Variants in FMN1 observed in about 807,000 individuals in gnomAD.
FMN1 encodes the protein formin 1.
In FMN1, 110 loss-of-function variants were observed where a neutral mutation model predicts 132.4. That is an observed-to-expected ratio of 0.83 (90% confidence interval 0.71 to 0.97). FMN1 has a LOEUF of 0.97. Ranked by LOEUF, FMN1 falls within the 50% of genes least tolerant of loss-of-function variation. The pLI is 0.00. For missense variants in FMN1, 1,792 were observed against 1,705.3 expected (o/e 1.05, Z -0.90); for synonymous variants, 722 against 651.7 (o/e 1.11, Z -1.64).
At chr15:32,860,165 A>G (rs983071308) in intron 16 of FMN1, among the ~76,000 whole-genome samples, 3 of 142,860 alleles carry the variant, frequency 2.1e-5, no homozygotes, top group African/African-American at 5.3e-5. Context: ...GAAGGAAGGA[A>G]AAGGAAAAAA....
In FMN1 at chr15:32,804,513, CT is replaced by C. The variant is rs754779401; in HGVS notation, c.3929-182del. On this transcript the variant is annotated intron_variant, in intron 17 of 20. Coordinates refer to ENST00000616417, the MANE Select transcript of FMN1 (RefSeq NM_001277313.2). Reference sequence around the variant, plus strand: ...CAATTTGCTTTATTTGCTACCACTGCTTTTTTTTTTTTTAAATTATACTAAG... The same window carrying C: ...CAATTTGCTTTATTTGCTACCACTGCTTTTTTTTTTTTAAATTATACTAAG... Among the ~76,000 whole-genome samples the C allele has an allele frequency of 5.5e-3, 684 of 123,968 alleles. 20 individuals carry two copies. In the East Asian group the frequency reaches 0.1, roughly 19 times the overall value. The allele number at this position is 123,968 out of a possible 152,430, so 81.3% of individuals were successfully genotyped here.
At chr15:33,147,641 T>C (rs1964279487) in intron 4 of FMN1, among the ~76,000 whole-genome samples, 2 of 152,226 alleles carry the variant, frequency 1.3e-5, no homozygotes, top group Admixed American at 1.3e-4. Context: ...TGGCTTGAGA[T>C]TTTAAAACAT....
At chr15:33,016,981 T>A (rs1210264256) in intron 6 of FMN1, among the ~76,000 whole-genome samples, 1 of 152,188 alleles carries the variant, frequency 6.6e-6, no homozygotes, top group Non-Finnish European at 1.5e-5. Context: ...GGTCTCCTTA[T>A]GTGAATAATA....
At chr15:32,983,903 C>T (rs1003237087) in intron 7 of FMN1, among the ~76,000 whole-genome samples, 6 of 152,162 alleles carry the variant, frequency 3.9e-5, no homozygotes, top group Non-Finnish European at 7.4e-5. Flanking sequence ...GATGGTACTG[C>T]CACATTCAGT....
chr15:32,891,707 G>T (rs1216893250), intron 15 of FMN1, among the ~76,000 whole-genome samples: 1 of 152,100 alleles, frequency 6.6e-6, no homozygotes, highest in Non-Finnish European at 1.5e-5. Context: ...ATTTGTTTGT[G>T]TTGTCTACGG....
intron 9 of FMN1, among the ~76,000 whole-genome samples, chr15:32,948,564 C>T (rs560642952): frequency 4.9e-4 from 75 of 152,062 alleles, no homozygotes; most frequent in African/African-American, 1.8e-3. Context: ...TTAATATTTA[C>T]GGAACCATTC....
intron 19 of FMN1, among the ~76,000 whole-genome samples, chr15:32,783,245 T>C (rs2056729108): frequency 6.6e-6 from 1 of 152,158 alleles, no homozygotes; most frequent in Non-Finnish European, 1.5e-5. Context: ...AAAATATATA[T>C]TCTCAATTGA....
In FMN1 at chr15:33,023,467, TAAAC is replaced by T. The variant is rs2141026605; in HGVS notation, c.2162-15396_2162-15393del. 2.0e-5 allele frequency among the ~76,000 whole-genome samples: 3 copies of T among 152,260 alleles called. 1 individual carries two copies. The South Asian group carries it at 6.2e-4, about 32-fold the overall frequency. The stretch of plus-strand genomic sequence containing the variant: ...ATAAAGGCAAGAATAATAATCATCA[TAAAC>T]AATAATGATAGTAGCAACACACTAA... On this transcript the variant is annotated intron_variant, in intron 6 of 20. Transcript: ENST00000616417.
At chr15:33,052,740 G>C (rs1286270709) in intron 6 of FMN1, among the ~76,000 whole-genome samples, 2 of 152,148 alleles carry the variant, frequency 1.3e-5, no homozygotes, top group East Asian at 3.9e-4. Context: ...TAAATCCTTG[G>C]ACCAGACTGA....
chr15:32,955,077 TA>T (rs1305443120), intron 9 of FMN1, among the ~76,000 whole-genome samples: 1 of 152,214 alleles, frequency 6.6e-6, no homozygotes, highest in Non-Finnish European at 1.5e-5. Flanking sequence ...CCAACCCCTC[TA>T]AACTCCAGTT....
chr15:32,880,190 A>C (rs890591322), intron 16 of FMN1, among the ~76,000 whole-genome samples: 1 of 152,034 alleles, frequency 6.6e-6, no homozygotes, highest in African/African-American at 2.4e-5. Flanking sequence ...TGACATTATT[A>C]TGACTTTGCA....
At chr15:33,087,225 T>C (rs1471178814) in intron 5 of FMN1, among the ~76,000 whole-genome samples, 74 of 152,174 alleles carry the variant, frequency 4.9e-4, no homozygotes, top group Admixed American at 4.8e-3. Context: ...TCAATACTTC[T>C]GTGTCAATGA....
intron 15 of FMN1, among the ~76,000 whole-genome samples, chr15:32,891,442 CCAT>C (rs2060027438): frequency 6.6e-6 from 1 of 152,180 alleles, no homozygotes; most frequent in African/African-American, 2.4e-5. Flanking sequence ...CGGGGTTTCA[CCAT>C]GTTAGCCAGG....
At chr15:32,956,788 A>T (rs1486120819) in intron 9 of FMN1, among the ~76,000 whole-genome samples, 1 of 152,202 alleles carries the variant, frequency 6.6e-6, no homozygotes, top group Admixed American at 6.5e-5. Context: ...TTATCTTTGT[A>T]CACCAAAGCT....
At chr15:33,058,893 T>C (rs2037356797) in intron 6 of FMN1, among the ~76,000 whole-genome samples, 1 of 152,250 alleles carries the variant, frequency 6.6e-6, no homozygotes, top group African/African-American at 2.4e-5. Context: ...GTATCATTTG[T>C]TATGGTGAGA....
intron 7 of FMN1, among the ~76,000 whole-genome samples, chr15:33,002,718 T>C (rs577482576): frequency 1.5e-4 from 23 of 152,288 alleles, no homozygotes; most frequent in African/African-American, 2.6e-4. Context: ...AAGCAGCAGC[T>C]AGAAATCCAG....
intron 2 of FMN1, among the ~76,000 whole-genome samples, chr15:33,193,522 C>T (rs1966153737): frequency 6.6e-6 from 1 of 152,140 alleles, no homozygotes; most frequent in Admixed American, 6.5e-5. Context: ...TTTAGTACAG[C>T]TGGAGCTACT....
rs143973884 is a variant in FMN1 at position 32,801,797 on chromosome 15, A to AAAAC, written c.3980+2480_3980+2483dup. Among the ~76,000 whole-genome samples, 265 of 152,228 alleles carry AAAAC rather than the reference A, an allele frequency of 1.7e-3. 6 individuals carry two copies. The East Asian group carries it at 0.044, about 26-fold the overall frequency. ...GCGACAGAATGAGACTCCGTCTCAA[A>AAAAC]AAACAAACAAACAAACAAAACCAGT... is the stretch of plus-strand genomic sequence containing the variant. On this transcript the variant is annotated intron_variant, in intron 18 of 20. Transcript: ENST00000616417.
rs2056334551 is a variant in FMN1, at chr15:32,774,043, T to TA, written c.*266dup. 1 of 477,982 alleles carries TA rather than the reference T, an allele frequency of 2.1e-6. No individual in the cohort carries two copies. Among genetic ancestry groups the TA allele is most frequent in the Non-Finnish European group, 3.6e-6 (1 of 275,158 alleles). The allele number at this position is 477,982 out of a possible 1,614,324, so 29.6% of individuals were successfully genotyped here. A position where few individuals can be genotyped will look rare whatever the true frequency, so the allele number is the denominator to read the frequency against. ...AACATTTTGGTATTTCTTCTGCTCTTAGAGTGGACTTTGGGCTTCCACAAG... is the reference window on the plus strand; with the variant it reads ...AACATTTTGGTATTTCTTCTGCTCTTAAGAGTGGACTTTGGGCTTCCACAAG... On this transcript the variant is annotated 3_prime_UTR_variant, in exon 21 of 21. Coordinates refer to ENST00000616417, the MANE Select transcript of FMN1 (RefSeq NM_001277313.2).
Sources: gnomAD v4.1 joint callset for allele counts (sites outside exome capture counted in the v4.1 genomes callset) on GRCh38, gnomAD v4.1.1 for gene constraint, MANE v1.5 for transcripts, NCBI Gene and HGNC (gene_info 2026-07-23, HGNC 2026-07-21) for gene names.